The following RHBDL2 variants were observed in gnomAD, a reference collection of about 807,000 sequenced individuals.
RHBDL2 encodes the protein rhomboid like 2.
Under a neutral mutation model 31.7 loss-of-function variants are expected in RHBDL2, and 26 were observed. The observed-to-expected ratio is 0.82, with a 90% CI of 0.60 to 1.14. The LOEUF (loss-of-function observed/expected upper bound fraction) is 1.14. RHBDL2 is among the 50% of genes most tolerant of loss of function. RHBDL2 has a pLI of 0.00. For synonymous variants in RHBDL2, 123 were observed against 127.2 expected, an observed-to-expected ratio of 0.97 and a Z score of 0.22; for missense variants, 336 against 364.4, an observed-to-expected ratio of 0.92 and a Z score of 0.63.
chr1:38,934,889 C>T (rs887921561), intron 1 of RHBDL2, among the ~76,000 whole-genome samples: 1 of 150,454 alleles, frequency 6.6e-6, no homozygotes, highest in South Asian at 2.1e-4. Flanking sequence ...ACCCAGGAGA[C>T]AGAAGTTGCA....
At chr1:38,887,013 G>T (rs938458810) in intron 7 of RHBDL2, among the ~76,000 whole-genome samples, 4 of 152,148 alleles carry the variant, frequency 2.6e-5, no homozygotes, top group Admixed American at 2.6e-4. Context: ...TGCCATGAGG[G>T]ATCTCTATAG....
At chr1:38,908,513 C>CAAAAAA (rs35185971) in intron 4 of RHBDL2, among the ~76,000 whole-genome samples, 2 of 66,876 alleles carry the variant, frequency 3.0e-5, no homozygotes, top group African/African-American at 6.0e-5. Context: ...ACTCCGTCTC[C>CAAAAAA]AAAAAAAAAA....
chr1:38,904,143 G>C (rs1484631462), intron 4 of RHBDL2, among the ~76,000 whole-genome samples: 1 of 152,144 alleles, frequency 6.6e-6, no homozygotes, highest in African/African-American at 2.4e-5. Context: ...GGTGATTCTA[G>C]GAGAAATCTT....
chr1:38,916,160 C>A (rs928415044), intron 2 of RHBDL2, among the ~76,000 whole-genome samples: 2 of 152,208 alleles, frequency 1.3e-5, no homozygotes, highest in Non-Finnish European at 2.9e-5. Context: ...GCAAACCCTG[C>A]CTTAACCAAG....
At chr1:38,932,992 C>A (rs1290124504) in intron 1 of RHBDL2, among the ~76,000 whole-genome samples, 1 of 152,086 alleles carries the variant, frequency 6.6e-6, no homozygotes, top group African/African-American at 2.4e-5. Context: ...AACAATGAAG[C>A]AAAACAAAAC....
At chr1:38,890,993 G>C (rs1342717997) in intron 6 of RHBDL2, among the ~76,000 whole-genome samples, 1 of 152,060 alleles carries the variant, frequency 6.6e-6, no homozygotes, top group African/African-American at 2.4e-5. Context: ...ACTTGGCTGG[G>C]CTCAGTGGCT....
rs12085759 is a variant in RHBDL2, at chr1:38,896,306, G to A, written c.509-237C>T. 1.9e-3 allele frequency among the ~76,000 whole-genome samples: 287 copies of A among 152,256 alleles called. 2 individuals carry two copies. The highest frequency in any genetic ancestry group is 6.3e-3 in the African/African-American group (261 of 41,548). ...ACATAGCAGTGACAATGGCAGAATC[G>A]TCTGGAGCCAGAATTACCAGCAGTG... On this transcript the variant is annotated intron_variant, in intron 4 of 7. Coordinates refer to ENST00000372990, the MANE Select transcript of RHBDL2 (RefSeq NM_017821.5).
chr1:38,932,902 A>G (rs1377822119), intron 1 of RHBDL2, among the ~76,000 whole-genome samples: 1 of 152,074 alleles, frequency 6.6e-6, no homozygotes, highest in Non-Finnish European at 1.5e-5. Context: ...GTATTCTTCC[A>G]TTGAGTAGAT....
At chr1:38,901,610 T>C (rs970957824) in intron 4 of RHBDL2, among the ~76,000 whole-genome samples, 7 of 151,692 alleles carry the variant, frequency 4.6e-5, no homozygotes. Context: ...CCGAGGCCAG[T>C]GGATCACCTG....
intron 3 of RHBDL2, among the ~76,000 whole-genome samples, chr1:38,915,224 C>G (rs1643216120): frequency 6.6e-6 from 1 of 151,198 alleles, no homozygotes; most frequent in African/African-American, 2.4e-5. Flanking sequence ...CCTCCGCCTC[C>G]CAGGTTCAAG....
At chr1:38,899,933 T>C (rs1642968500) in intron 4 of RHBDL2, among the ~76,000 whole-genome samples, 1 of 152,182 alleles carries the variant, frequency 6.6e-6, no homozygotes, top group African/African-American at 2.4e-5. Context: ...CGTCCTCCTC[T>C]GCTTTTCTGC....
chr1:38,903,984 A>G (rs914801464), intron 4 of RHBDL2, among the ~76,000 whole-genome samples: 6 of 152,238 alleles, frequency 3.9e-5, no homozygotes, highest in African/African-American at 1.4e-4. Context: ...AAGCAATTCA[A>G]TGGAGAAAGG....
At chr1:38,902,450 C>T (rs1326611630) in intron 4 of RHBDL2, among the ~76,000 whole-genome samples, 3 of 144,202 alleles carry the variant, frequency 2.1e-5, no homozygotes, top group Non-Finnish European at 4.5e-5. Context: ...GATGGAGTCT[C>T]GCTTTGTCAC....
At chr1:38,919,403 T>A in intron 1 of RHBDL2, 66 bp from the exon 2 acceptor site, 1 of 1,425,268 alleles carries the variant, frequency 7.0e-7, no homozygotes, top group Non-Finnish European at 9.2e-7. Context: ...TGGCCCAAAA[T>A]AAAGTTTTCT....
At chr1:38,896,526 C>T (rs1193422516) in intron 4 of RHBDL2, among the ~76,000 whole-genome samples, 1 of 151,996 alleles carries the variant, frequency 6.6e-6, no homozygotes, top group Non-Finnish European at 1.5e-5. Flanking sequence ...TGCGGTTTTG[C>T]CATTACTTTT....
intron 3 of RHBDL2, among the ~76,000 whole-genome samples, 159 bp from the exon 4 acceptor site, chr1:38,911,593 T>A (rs938642360): frequency 3.4e-5 from 5 of 148,336 alleles, no homozygotes; most frequent in Non-Finnish European, 7.4e-5. Flanking sequence ...TTTTTTCTTT[T>A]TCTTTTTTCT....
At chr1:38,894,167 TC>T (rs1446649478) in intron 5 of RHBDL2, among the ~76,000 whole-genome samples, 1 of 152,206 alleles carries the variant, frequency 6.6e-6, no homozygotes, top group Non-Finnish European at 1.5e-5. Context: ...ACTTTTTTTT[TC>T]TTGGGTTTAA....
intron 4 of RHBDL2, among the ~76,000 whole-genome samples, chr1:38,898,089 C>T (rs74706316): frequency 0.15 from 23,290 of 152,146 alleles, 2,259 homozygotes; most frequent in Non-Finnish European, 0.22. Flanking sequence ...TGAGATGGCG[C>T]CACTGCACCC....
intron 1 of RHBDL2, among the ~76,000 whole-genome samples, chr1:38,941,239 G>C (rs966555627): frequency 2.6e-5 from 4 of 152,204 alleles, no homozygotes; most frequent in Non-Finnish European, 4.4e-5. Context: ...CCGCCTTGCG[G>C]GTAGAAGTGG....
Sources: allele counts gnomAD v4.1 joint callset (sites outside exome capture counted in the v4.1 genomes callset), GRCh38; gene constraint gnomAD v4.1.1; transcripts MANE v1.5; gene names NCBI Gene and HGNC (gene_info 2026-07-23, HGNC 2026-07-21).